The following PHKG1 variants were observed in gnomAD, a reference collection of about 807,000 sequenced individuals.
PHKG1 encodes the protein phosphorylase kinase catalytic subunit gamma 1.
PHKG1 carries 48 observed loss-of-function variants against 50.5 expected under a neutral mutation model. The ratio of observed to expected loss-of-function variants is 0.95; its 90% CI spans 0.75 to 1.21. The LOEUF (loss-of-function observed/expected upper bound fraction) is 1.21, where lower values mean the gene tolerates loss of function less well. Ranked by LOEUF, PHKG1 falls within the 50% of genes most tolerant of loss-of-function variation. The pLI is 0.00. For missense variants in PHKG1, 487 were observed against 519.5 expected, an observed-to-expected ratio of 0.94 and a Z score of 0.61; for synonymous variants, 204 against 212.8, an observed-to-expected ratio of 0.96 and a Z score of 0.36.
intron 2 of PHKG1, chr7:56,088,636 T>A (rs1187886132): frequency 2.2e-6 from 1 of 458,782 alleles, no homozygotes. Context: ...GGATTACAGG[T>A]GTGAGCCATT....
At chr7:56,088,565 C>T in intron 2 of PHKG1, 1 of 277,436 alleles carries the variant, frequency 3.6e-6, no homozygotes, top group South Asian at 8.5e-5. Context: ...CTATGTTGCC[C>T]AGGCTGATCT....
At chr7:56,085,314 T>TCTCAAACTCCTGGC (rs1796206952) in intron 4 of PHKG1, among the ~76,000 whole-genome samples, 1 of 152,080 alleles carries the variant, frequency 6.6e-6, no homozygotes, top group Non-Finnish European at 1.5e-5. Flanking sequence ...CCCAGGCTGG[T>TCTCAAACTCCTGGC]CTCAAACTCC....
intron 1 of PHKG1, among the ~76,000 whole-genome samples, chr7:56,091,145 T>TG (rs2117608351): frequency 1.3e-5 from 2 of 149,948 alleles, no homozygotes; most frequent in South Asian, 4.3e-4. Context: ...ACCCAGGAGG[T>TG]GGGGTTGCAG....
rs201221003 is a variant in PHKG1 at position 56,081,284 on chromosome 7, C to T, written c.934G>A (p.Val312Met). 28 of 1,609,932 alleles carry T rather than the reference C, an allele frequency of 1.7e-5. No homozygotes were observed. Among genetic ancestry groups the T allele is most frequent in the Middle Eastern group, 3.6e-4 (2 of 5,584 alleles). ...TAGTAGATCCGCACTGAAGCCAGCA[C>T]GGTCAGAGCGATCACCTGCAGGGCC... Reference protein sequence around the residue: ...RGKFKVIALTVLASVRIYYQY... With the variant: ...RGKFKVIALTMLASVRIYYQY... Residue 312 changes from valine (V) to methionine (M), a missense_variant, in exon 10 of 10, where the codon GTG becomes ATG. By Grantham distance (21) the Val-to-Met change is conservative (BLOSUM62 1). Coordinates refer to ENST00000297373, the MANE Select transcript of PHKG1 (RefSeq NM_006213.5). The surrounding 1 kb of genome is among the most constrained non-coding windows in gnomAD (Gnocchi z 4.6).
At chr7:56,086,207 C>T (rs138156549) in intron 4 of PHKG1, among the ~76,000 whole-genome samples, 20 of 151,960 alleles carry the variant, frequency 1.3e-4, no homozygotes, top group Non-Finnish European at 2.4e-4. Context: ...CTACAGTCAT[C>T]CCTCTTTATC....
intron 2 of PHKG1, among the ~76,000 whole-genome samples, chr7:56,087,995 C>A (rs1028431319): frequency 1.0e-5 from 1 of 97,040 alleles, no homozygotes; most frequent in African/African-American, 4.1e-5. Flanking sequence ...CCGTGTGACT[C>A]TTTTTTTTTT....
chr7:56,086,981 C>A lies in PHKG1; in HGVS notation c.306G>T (p.Leu102Phe), dbSNP rs755143171. Reference protein sequence around the residue: ...DTYETNTFFFLVFDLMKRGEL... With the variant: ...DTYETNTFFFFVFDLMKRGEL... Reference sequence around the variant, plus strand: ...TGCTGGGTACTTACAGGTCAAACACCAAGAAGAAGAAAGTGTTGGTCTCAT... The same window carrying A: ...TGCTGGGTACTTACAGGTCAAACACAAAGAAGAAGAAAGTGTTGGTCTCAT... Residue 102 changes from leucine to phenylalanine, a missense_variant, in exon 4 of 10, where the codon TTG becomes TTT. Physicochemically the swap from Leu to Phe is conservative, Grantham distance 22. Transcript: ENST00000297373. The A allele has an allele frequency of 3.1e-5, 50 of 1,613,078 alleles. No homozygotes were observed. The highest frequency in any genetic ancestry group is 4.2e-5 in the Non-Finnish European group (49 of 1,179,342).
intron 1 of PHKG1, among the ~76,000 whole-genome samples, chr7:56,092,438 A>G (rs1469896972): frequency 6.6e-6 from 1 of 151,920 alleles, no homozygotes; most frequent in Admixed American, 6.6e-5. Flanking sequence ...ATACCCAGCT[A>G]ATTTTTGTAT....
chr7:56,083,220 G>A (rs1796099912), intron 6 of PHKG1, 58 bp downstream of exon 6: 1 of 1,480,904 alleles, frequency 6.8e-7, no homozygotes, highest in African/African-American at 1.4e-5. Context: ...TCTCTATTCT[G>A]CAGATGGTTG....
chr7:56,080,932 G>A lies in PHKG1; in HGVS notation c.*122C>T. ...GGGGATCGTGGCCTCAGTTCCAGGG[G>A]TTCCTGGCCAGGGCCAAGTGCTCCT... On this transcript the variant is annotated 3_prime_UTR_variant, in exon 10 of 10. Transcript: ENST00000297373. 1.7e-6 allele frequency: 2 copies of A among 1,200,176 alleles called. No individual in the cohort carries two copies. Among genetic ancestry groups the A allele is most frequent in the African/African-American group, 1.5e-5 (1 of 66,208 alleles). 74.3% of individuals were successfully genotyped at this position (1,200,176 alleles called of 1,614,324 possible).
chr7:56,082,251 CCT>C lies in PHKG1; in HGVS notation c.548_549del (p.Glu183GlyfsTer11). On this transcript the variant is annotated frameshift_variant and splice_region_variant, in exon 7 of 10. Coordinates refer to ENST00000297373, the MANE Select transcript of PHKG1 (RefSeq NM_006213.5). LOFTEE classifies it high-confidence loss of function. ...CQLEPGERLR[E>X]VCGTPSYLAP... is the part of the protein sequence containing the mutation. ...GCCAGGTAACTGGGGGTCCCGCAGA[CCT>C]CTGCAGGAACAGTCATCATCAGGGC... The C allele has an allele frequency of 6.2e-7, 1 of 1,612,226 alleles. No individual in the cohort carries two copies. Among genetic ancestry groups the C allele is most frequent in the Non-Finnish European group, 8.5e-7 (1 of 1,179,130 alleles).
chr7:56,088,930 G>A lies in PHKG1; in HGVS notation c.12C>T (p.Asp4=), dbSNP rs772898099. 22 of 1,612,464 alleles carry A rather than the reference G, an allele frequency of 1.4e-5. No individual in the cohort carries two copies. Among genetic ancestry groups the A allele is most frequent in the African/African-American group, 4.0e-5 (3 of 74,854 alleles). Residue 4 remains aspartate (D), a synonymous_variant, in exon 2 of 10, where the codon GAC becomes GAT. Coordinates refer to ENST00000297373, the MANE Select transcript of PHKG1 (RefSeq NM_006213.5). MTR[D]EALPDSHSAQ... ...CAGAATGAGAGTCCGGCAGTGCCTC[G>A]TCCCGGGTCATGCTCAGATCTTCAG...
intron 1 of PHKG1, among the ~76,000 whole-genome samples, chr7:56,089,315 G>A (rs2117599774): frequency 6.6e-6 from 1 of 150,772 alleles, no homozygotes; most frequent in Non-Finnish European, 1.5e-5. Flanking sequence ...CAGGAGAATC[G>A]CTTGAACCCA....
chr7:56,082,104 T>TGCCTACTTCCTCCCTTGCCCA, intron 7 of PHKG1, 58 bp from the exon 8 acceptor site: 2 of 1,611,062 alleles, frequency 1.2e-6, no homozygotes, highest in Admixed American at 3.3e-5. Flanking sequence ...GGCCCAGCCC[T>TGCCTACTTCCTCCCTTGCCCA]GCCTACTTCC....
intron 1 of PHKG1, among the ~76,000 whole-genome samples, chr7:56,090,106 T>C (rs1321779711): frequency 6.6e-6 from 1 of 151,992 alleles, no homozygotes. Flanking sequence ...TTTTTGTTTG[T>C]TTGTTTTTGT....
intron 4 of PHKG1, 50 bp downstream of exon 4, chr7:56,086,920 G>A (rs781770973): frequency 7.0e-7 from 1 of 1,428,058 alleles, no homozygotes; most frequent in Non-Finnish European, 9.9e-7. Flanking sequence ...GGAGGGGACA[G>A]CAGTCGGAGG....
intron 4 of PHKG1, chr7:56,084,148 C>A (rs1462468431): frequency 1.3e-6 from 2 of 1,516,078 alleles, no homozygotes; most frequent in South Asian, 2.4e-5. Context: ...GTGAGCAGTA[C>A]CTTGCCCTGC....
chr7:56,085,775 G>C (rs1796226311), intron 4 of PHKG1, among the ~76,000 whole-genome samples: 1 of 151,816 alleles, frequency 6.6e-6, no homozygotes, highest in South Asian at 2.1e-4. Context: ...GACCAGACTG[G>C]CCAACATGGC....
rs373657174 is a variant in PHKG1 at position 56,083,431 on chromosome 7, G to T, written c.394C>A (p.Arg132=). Reference sequence around the variant, plus strand: ...GTGCAGATCACCTCCAGCAGAGCTCGCATGATCTTTCTAGGGTGGGGCACA... The same window carrying T: ...GTGCAGATCACCTCCAGCAGAGCTCTCATGATCTTTCTAGGGTGGGGCACA... ...LSEKETRKIM[R]ALLEVICTLH... Residue 132 remains arginine, a synonymous_variant, in exon 6 of 10, where the codon CGA becomes AGA. Coordinates refer to ENST00000297373, the MANE Select transcript of PHKG1 (RefSeq NM_006213.5). The T allele has an allele frequency of 1.2e-6, 2 of 1,614,122 alleles. No homozygotes were observed. The highest frequency in any genetic ancestry group is 1.7e-6 in the Non-Finnish European group (2 of 1,180,014).
Sources: gnomAD v4.1 joint callset for allele counts (sites outside exome capture counted in the v4.1 genomes callset) on GRCh38, gnomAD v4.1.1 for gene constraint, Gnocchi (gnomAD v3.1) non-coding constraint, MANE v1.5 for transcripts, NCBI Gene and HGNC (gene_info 2026-07-23, HGNC 2026-07-21) for gene names.